The following ANO3 variants were observed in gnomAD, a reference collection of about 807,000 sequenced individuals.
The protein encoded by ANO3 is anoctamin 3.
A neutral mutation model predicts 144.8 loss-of-function variants in ANO3; 99 were observed. That is an observed-to-expected ratio of 0.68 (90% CI 0.58 to 0.81). ANO3 has a LOEUF of 0.81. Among genes scored for constraint, ANO3 ranks in the 30% least tolerant of loss-of-function variants. The probability of loss-of-function intolerance (pLI) is 0.00; values close to 1 mark genes in which losing one functional copy is unlikely to be tolerated. For missense variants in ANO3, 905 were observed against 1,202.2 expected (o/e 0.75, Z 3.66); for synonymous variants, 414 against 392.6 (o/e 1.05, Z -0.64).
chr11:26,615,414 A>AT (rs66840659), intron 17 of ANO3, among the ~76,000 whole-genome samples: 1,750 of 130,668 alleles, frequency 0.013, 18 homozygotes, highest in East Asian at 0.031. Context: ...ATATATATAT[A>AT]TTTTTTTTTT....
intron 1 of ANO3, among the ~76,000 whole-genome samples, chr11:26,237,199 C>A (rs1457870018): frequency 1.3e-5 from 2 of 152,106 alleles, no homozygotes; most frequent in Non-Finnish European, 2.9e-5. Context: ...ATTTAATTTG[C>A]TGTACACTGT....
At chr11:26,238,792 C>G (rs1044114939) in intron 1 of ANO3, among the ~76,000 whole-genome samples, 13 of 151,942 alleles carry the variant, frequency 8.6e-5, no homozygotes, top group African/African-American at 3.1e-4. Context: ...TTATTGCAAA[C>G]ATCATCTTAC....
intron 1 of ANO3, among the ~76,000 whole-genome samples, chr11:26,224,515 G>T (rs557371655): frequency 6.6e-6 from 1 of 152,100 alleles, no homozygotes. Flanking sequence ...ACCTATACAT[G>T]CCCCCTCAGG....
intron 1 of ANO3, among the ~76,000 whole-genome samples, chr11:26,263,714 G>T (rs576627989): frequency 2.6e-5 from 4 of 152,284 alleles, no homozygotes; most frequent in Non-Finnish European, 5.9e-5. Flanking sequence ...AAATTACAGT[G>T]AAAAGCCCAT....
intron 1 of ANO3, among the ~76,000 whole-genome samples, chr11:26,311,411 A>G (rs1564959869): frequency 6.6e-6 from 1 of 152,240 alleles, no homozygotes; most frequent in Admixed American, 6.5e-5. Context: ...AGAGCTCTTC[A>G]TGATTCACAG....
chr11:26,345,182 T>C (rs1000168541), intron 1 of ANO3, among the ~76,000 whole-genome samples: 3 of 152,148 alleles, frequency 2.0e-5, no homozygotes, highest in African/African-American at 7.2e-5. Context: ...TATTGACCAA[T>C]TAGAAGAAAA....
At chr11:26,226,469 A>C (rs1475967577) in intron 1 of ANO3, among the ~76,000 whole-genome samples, 1 of 152,148 alleles carries the variant, frequency 6.6e-6, no homozygotes, top group Non-Finnish European at 1.5e-5. Context: ...TGATTTTACC[A>C]GTCTAACCCA....
chr11:26,324,654 A>G (rs1338887538), intron 1 of ANO3, among the ~76,000 whole-genome samples: 1 of 152,190 alleles, frequency 6.6e-6, no homozygotes, highest in Non-Finnish European at 1.5e-5. Context: ...TATAGTGAAC[A>G]CTTTATTTTA....
intron 17 of ANO3, among the ~76,000 whole-genome samples, chr11:26,599,987 C>T (rs955932047): frequency 2.6e-5 from 4 of 151,746 alleles, no homozygotes; most frequent in Non-Finnish European, 4.4e-5. Context: ...GTTAGTATCT[C>T]GTGTGTGCTA....
At chr11:26,424,177 T>A (rs1013680705) in intron 1 of ANO3, among the ~76,000 whole-genome samples, 1 of 151,630 alleles carries the variant, frequency 6.6e-6, no homozygotes, top group Non-Finnish European at 1.5e-5. Flanking sequence ...TTTTTTTTAC[T>A]CTTATAAATA....
At chr11:26,521,471 C>T (rs893965752) in intron 6 of ANO3, among the ~76,000 whole-genome samples, 1 of 152,004 alleles carries the variant, frequency 6.6e-6, no homozygotes. Flanking sequence ...AAATTTTCTG[C>T]TTGGATGTAT....
intron 13 of ANO3, among the ~76,000 whole-genome samples, chr11:26,553,988 T>C (rs1295768167): frequency 6.6e-6 from 1 of 152,204 alleles, no homozygotes; most frequent in African/African-American, 2.4e-5. Context: ...AGTGTATGAA[T>C]TGATATATTT....
At chr11:26,312,375 G>A (rs1206498032) in intron 1 of ANO3, among the ~76,000 whole-genome samples, 1 of 152,192 alleles carries the variant, frequency 6.6e-6, no homozygotes, top group African/African-American at 2.4e-5. Flanking sequence ...TGGGATGGCT[G>A]GGTCAAATGA....
intron 1 of ANO3, among the ~76,000 whole-genome samples, chr11:26,250,038 G>T (rs900440350): frequency 6.6e-6 from 1 of 152,124 alleles, no homozygotes; most frequent in African/African-American, 2.4e-5. Flanking sequence ...TGTCCCTGTC[G>T]CTTCCAAAGG....
chr11:26,458,511 T>G (rs1403744734), intron 3 of ANO3, among the ~76,000 whole-genome samples: 1 of 152,156 alleles, frequency 6.6e-6, no homozygotes. Context: ...ACATTTATAT[T>G]GTTTTACAAA....
chr11:26,607,925 G>A (rs1388270599), intron 17 of ANO3, among the ~76,000 whole-genome samples: 1 of 152,218 alleles, frequency 6.6e-6, no homozygotes, highest in Non-Finnish European at 1.5e-5. Flanking sequence ...ATCTTCTGAA[G>A]CCTACTGCTG....
intron 4 of ANO3, among the ~76,000 whole-genome samples, chr11:26,481,883 T>C (rs1860231475): frequency 6.6e-6 from 1 of 152,070 alleles, no homozygotes; most frequent in Non-Finnish European, 1.5e-5. Context: ...GTGTTTCTTT[T>C]TTCCTTTCTT....
intron 5 of ANO3, 26 bp downstream of exon 5, chr11:26,508,288 T>C: frequency 1.9e-6 from 3 of 1,558,542 alleles, no homozygotes; most frequent in Non-Finnish European, 2.6e-6. Flanking sequence ...TTATTAGTTA[T>C]GTGATAAAAT....
intron 1 of ANO3, among the ~76,000 whole-genome samples, chr11:26,273,029 G>A (rs1054507275): frequency 3.5e-4 from 54 of 152,132 alleles, no homozygotes; most frequent in African/African-American, 9.6e-4. Flanking sequence ...AGTATTGAGC[G>A]TACTTAATGA....
Sources: gnomAD v4.1 joint callset for allele counts (sites outside exome capture counted in the v4.1 genomes callset) on GRCh38, gnomAD v4.1.1 for gene constraint, MANE v1.5 for transcripts, NCBI Gene and HGNC (gene_info 2026-07-23, HGNC 2026-07-21) for gene names.